FHIT: variants seen among roughly 807,000 people sequenced by gnomAD.
The protein encoded by FHIT is fragile histidine triad diadenosine triphosphatase.
A neutral mutation model predicts 17.9 loss-of-function variants in FHIT; 19 were observed. That is an observed-to-expected ratio of 1.06 (90% CI 0.74 to 1.56). The LOEUF (loss-of-function observed/expected upper bound fraction) is 1.56. Among genes scored for constraint, FHIT ranks in the 40% most tolerant of loss-of-function variants. The probability of loss-of-function intolerance (pLI) is 0.00; values close to 1 mark genes in which losing one functional copy is unlikely to be tolerated. For synonymous variants in FHIT, 81 were observed against 69.7 expected (o/e 1.16, Z -0.81); for missense variants, 248 against 189.2 (o/e 1.31, Z -1.82).
rs180809878 is a variant in FHIT, at chr3:60,875,134, C to T, written c.-110-53123G>A. On this transcript the variant is annotated intron_variant, in intron 3 of 9. Coordinates refer to ENST00000492590, the MANE Select transcript of FHIT (RefSeq NM_002012.4). Reference sequence around the variant, plus strand: ...ACCCAAATCCCTCTAGGAATAAACTCTGGCCCTTGCTGGCTTCTTTATTCT... The same window carrying T: ...ACCCAAATCCCTCTAGGAATAAACTTTGGCCCTTGCTGGCTTCTTTATTCT... Among the ~76,000 whole-genome samples, 339 of 152,294 alleles carry T rather than the reference C, an allele frequency of 2.2e-3. 9 individuals carry two copies. Among genetic ancestry groups the T allele is most frequent in the Non-Finnish European group, 1.4e-3 (94 of 68,016 alleles).
At chr3:60,667,610 T>A (rs1553692783) in intron 4 of FHIT, among the ~76,000 whole-genome samples, 1 of 152,184 alleles carries the variant, frequency 6.6e-6, no homozygotes, top group Non-Finnish European at 1.5e-5. Flanking sequence ...ATCTTGGTGT[T>A]TGTGTCAGTT....
chr3:59,846,050 G>A (rs1701706793), intron 8 of FHIT, among the ~76,000 whole-genome samples: 1 of 151,988 alleles, frequency 6.6e-6, no homozygotes. Context: ...GTCAACCTCT[G>A]TCTATTGACT....
At chr3:60,556,738 G>A (rs1190745413) in intron 4 of FHIT, among the ~76,000 whole-genome samples, 1 of 152,260 alleles carries the variant, frequency 6.6e-6, no homozygotes, top group Admixed American at 6.5e-5. Context: ...ATAGAGGCTG[G>A]TGGTAGAGAA....
intron 3 of FHIT, among the ~76,000 whole-genome samples, chr3:61,012,689 T>C: frequency 6.6e-6 from 1 of 151,486 alleles, no homozygotes; most frequent in South Asian, 2.1e-4. Context: ...TTATATTTAA[T>C]AATTGTTAAT....
intron 2 of FHIT, among the ~76,000 whole-genome samples, chr3:61,063,665 A>G (rs1458338159): frequency 6.6e-6 from 1 of 152,174 alleles, no homozygotes; most frequent in Non-Finnish European, 1.5e-5. Context: ...GTTAACATAC[A>G]TGAGTAAAGA....
At chr3:60,921,201 T>C (rs1251795162) in intron 3 of FHIT, among the ~76,000 whole-genome samples, 2 of 152,158 alleles carry the variant, frequency 1.3e-5, no homozygotes, top group Non-Finnish European at 2.9e-5. Flanking sequence ...TGCTAAAACA[T>C]TTTTCGGTAT....
At chr3:59,939,420 G>C (rs1457774397) in intron 7 of FHIT, among the ~76,000 whole-genome samples, 1 of 152,134 alleles carries the variant, frequency 6.6e-6, no homozygotes, top group Non-Finnish European at 1.5e-5. Context: ...TCTCACCACA[G>C]ATCAGAAATT....
intron 3 of FHIT, among the ~76,000 whole-genome samples, chr3:60,881,999 T>C (rs1298014244): frequency 6.6e-6 from 1 of 151,848 alleles, no homozygotes; most frequent in Non-Finnish European, 1.5e-5. Flanking sequence ...AACCACGAGC[T>C]AAACTAACCA....
rs560025028 is a variant in FHIT at position 60,546,272 on chromosome 3, G to C, written c.-17-9293C>G. 7.2e-5 allele frequency among the ~76,000 whole-genome samples: 11 copies of C among 152,136 alleles called. No homozygotes were observed. The South Asian group carries it at 2.1e-3, about 29-fold the overall frequency. On this transcript the variant is annotated intron_variant, in intron 4 of 9. Transcript: ENST00000492590. Reference sequence around the variant, plus strand: ...CTCCTGTCTACCTTCCACGGGTTAAGTCTGGTTTTTCTCTCCCCATGAGTA... The same window carrying C: ...CTCCTGTCTACCTTCCACGGGTTAACTCTGGTTTTTCTCTCCCCATGAGTA...
intron 8 of FHIT, among the ~76,000 whole-genome samples, chr3:59,777,487 C>T (rs1702385783): frequency 6.6e-6 from 1 of 152,158 alleles, no homozygotes; most frequent in African/African-American, 2.4e-5. Flanking sequence ...TTCTTCTTAG[C>T]TTCTGAGCCT....
intron 3 of FHIT, among the ~76,000 whole-genome samples, chr3:61,021,377 A>T (rs2032418052): frequency 6.6e-6 from 1 of 150,416 alleles, no homozygotes; most frequent in Non-Finnish European, 1.5e-5. Context: ...AGGCGGGCGG[A>T]TCACGAGGTC....
intron 3 of FHIT, among the ~76,000 whole-genome samples, chr3:60,848,527 C>T (rs1444295813): frequency 2.0e-5 from 3 of 152,130 alleles, no homozygotes; most frequent in African/African-American, 7.2e-5. Context: ...GATTTCAACT[C>T]AGTGTTTTCA....
chr3:61,113,913 G>C (rs2036229246), intron 2 of FHIT, among the ~76,000 whole-genome samples: 1 of 152,164 alleles, frequency 6.6e-6, no homozygotes, highest in African/African-American at 2.4e-5. Flanking sequence ...GTCTCTGTCT[G>C]AGCTGAATAG....
chr3:60,519,035 C>T (rs889969045), intron 5 of FHIT, among the ~76,000 whole-genome samples: 2 of 152,014 alleles, frequency 1.3e-5, no homozygotes, highest in African/African-American at 4.8e-5. Context: ...CATATTAAAA[C>T]GTCAGAAAAA....
At chr3:60,142,710 G>A (rs1700093586) in intron 5 of FHIT, among the ~76,000 whole-genome samples, 1 of 147,078 alleles carries the variant, frequency 6.8e-6, no homozygotes, top group African/African-American at 2.5e-5. Context: ...TTTTTTAAGA[G>A]ATGGGATTTC....
chr3:60,507,839 G>A (rs1228661079), intron 5 of FHIT, among the ~76,000 whole-genome samples: 3 of 152,132 alleles, frequency 2.0e-5, no homozygotes, highest in African/African-American at 7.2e-5. Context: ...CCATGTCCTT[G>A]TAAAGGACAT....
Position 60,683,540 on chromosome 3 carries a change from T to C in FHIT, c.-18+138379A>G, listed in dbSNP as rs900681823. Among the ~76,000 whole-genome samples, 5 of 148,022 alleles carry C rather than the reference T, an allele frequency of 3.4e-5. No homozygotes were observed. The South Asian group carries it at 1.1e-3, about 32-fold the overall frequency. ...TAAATTAAGATAACATATTTTTTTA[T>C]AATGCTATTGCATACTAGACTACTA... is the stretch of plus-strand genomic sequence containing the variant. On this transcript the variant is annotated intron_variant, in intron 4 of 9. Coordinates refer to ENST00000492590, the MANE Select transcript of FHIT (RefSeq NM_002012.4).
At position 60,511,512 on chromosome 3, in the gene FHIT, G is replaced by A. The variant is rs114639663; in HGVS notation, c.103+25348C>T. Among the ~76,000 whole-genome samples, 912 of 151,910 alleles carry A rather than the reference G, an allele frequency of 6.0e-3. 7 individuals are homozygous for A. The highest frequency in any genetic ancestry group is 0.021 in the African/African-American group (884 of 41,426). On this transcript the variant is annotated intron_variant, in intron 5 of 9. Transcript: ENST00000492590. ...GTTAAAATTCTGAAATTATTTTGAG[G>A]GTACTATAGGGTCTTAGAATAAATA...
intron 4 of FHIT, among the ~76,000 whole-genome samples, chr3:60,722,070 G>A (rs1442538966): frequency 2.0e-5 from 3 of 152,132 alleles, no homozygotes; most frequent in South Asian, 2.1e-4. Flanking sequence ...TGGTAAATAC[G>A]AAAGGCTCAG....
Sources: allele counts gnomAD v4.1 joint callset (sites outside exome capture counted in the v4.1 genomes callset), GRCh38; gene constraint gnomAD v4.1.1; transcripts MANE v1.5; gene names NCBI Gene and HGNC (gene_info 2026-07-23, HGNC 2026-07-21).